The following DYNC2I1 variants were observed in gnomAD, a reference collection of about 807,000 sequenced individuals.
DYNC2I1 encodes the protein cytoplasmic dynein 2 intermediate chain 1.
In DYNC2I1, 89 loss-of-function variants were observed where a neutral mutation model predicts 133.4. The ratio of observed to expected loss-of-function variants is 0.67; its 90% CI spans 0.56 to 0.80. DYNC2I1 has a LOEUF of 0.80. DYNC2I1 is among the 30% of genes least tolerant of loss of function. The pLI is 0.00. For synonymous variants in DYNC2I1, 504 were observed against 484.3 expected (o/e 1.04, Z -0.54); for missense variants, 1,291 against 1,314.5 (o/e 0.98, Z 0.28).
At chr7:158,957,285 G>A (rs1449393908), downstream of DYNC2I1, among the ~76,000 whole-genome samples, 1 of 152,250 alleles carries the variant, frequency 6.6e-6, no homozygotes, top group Non-Finnish European at 1.5e-5. Context: ...CTGCGGCGCT[G>A]GCCTCAGGCT....
Position 158,934,531 on chromosome 7 carries a change from T to C in DYNC2I1, c.2760T>C (p.Phe920=), listed in dbSNP as rs1563199108. Residue 920 remains phenylalanine, a synonymous_variant, in exon 23 of 25, where the codon TTT becomes TTC. Transcript: ENST00000407559. ...TTAATGTCATTGATTTTTCACCATT[T>C]GGAGAACCAATATTTTTGGTAAGAA... is the stretch of plus-strand genomic sequence containing the variant. ...VKVNVIDFSP[F]GEPIFLAGCS... 6.4e-7 allele frequency: 1 copy of C among 1,554,334 alleles called. No homozygotes were observed. The highest frequency in any genetic ancestry group is 8.7e-7 in the Non-Finnish European group (1 of 1,148,316).
chr7:158,883,384 T>TA lies in DYNC2I1; in HGVS notation c.880-1180_880-1179insA, dbSNP rs200160902. Among the ~76,000 whole-genome samples the TA allele has an allele frequency of 6.7e-3, 985 of 145,960 alleles. 14 individuals are homozygous for TA. The highest frequency in any genetic ancestry group is 0.041 in the South Asian group (189 of 4,660). On this transcript the variant is annotated intron_variant, in intron 5 of 24. Transcript: ENST00000407559. ...AGGTGTGCATCTGGCTTATTATTAT[T>TA]TTTTTTTTTTTTGTATTTTTAGTAG...
chr7:158,899,793 C>A (rs972448987), intron 8 of DYNC2I1, among the ~76,000 whole-genome samples: 1 of 152,178 alleles, frequency 6.6e-6, no homozygotes, highest in Non-Finnish European at 1.5e-5. Context: ...GATTCTGAGG[C>A]CTCCCCAGCC....
At chr7:158,920,821 G>C (rs1848996373) in intron 15 of DYNC2I1, among the ~76,000 whole-genome samples, 1 of 152,216 alleles carries the variant, frequency 6.6e-6, no homozygotes, top group African/African-American at 2.4e-5. Context: ...ATTAGATTCT[G>C]ATCTGTGATC....
At chr7:158,880,845 C>T (rs979445865) in intron 5 of DYNC2I1, among the ~76,000 whole-genome samples, 2 of 152,086 alleles carry the variant, frequency 1.3e-5, no homozygotes, top group African/African-American at 4.8e-5. Context: ...GAATCCGAAG[C>T]TAATATGATC....
At chr7:158,915,996 C>G (rs867142558) in intron 14 of DYNC2I1, among the ~76,000 whole-genome samples, 18 of 108,560 alleles carry the variant, frequency 1.7e-4, no homozygotes, top group South Asian at 2.9e-4. Flanking sequence ...CGTCGACACG[C>G]TGGTTGACAT....
the DYNC2I1 span, among the ~76,000 whole-genome samples, chr7:158,845,697 A>G: frequency 4.8e-3 from 728 of 152,366 alleles, 3 homozygotes; most frequent in African/African-American, 0.017. Flanking sequence ...GATGGTTGAC[A>G]GGGAAATAAC....
chr7:158,871,622 A>G (rs943294145), intron 3 of DYNC2I1, 60 bp downstream of exon 3: 25 of 1,325,818 alleles, frequency 1.9e-5, no homozygotes, highest in Admixed American at 5.6e-5. Context: ...TGCTGGTGAC[A>G]GGTTGATAGC....
intron 23 of DYNC2I1, among the ~76,000 whole-genome samples, chr7:158,936,546 G>T (rs1172084789): frequency 2.6e-5 from 4 of 152,216 alleles, no homozygotes; most frequent in Non-Finnish European, 5.9e-5. Context: ...TGGGTGCCCT[G>T]TCCCTGCCTC....
intron 4 of DYNC2I1, among the ~76,000 whole-genome samples, chr7:158,879,051 CGTGA>C (rs1455343211): frequency 3.4e-5 from 4 of 119,270 alleles, no homozygotes; most frequent in African/African-American, 1.3e-4. Flanking sequence ...GAGGGCCGAC[CGTGA>C]GTGTCGGGCA....
chr7:158,898,137 G>C (rs548927335), intron 8 of DYNC2I1, among the ~76,000 whole-genome samples: 59 of 152,298 alleles, frequency 3.9e-4, no homozygotes, highest in African/African-American at 1.3e-3. Context: ...TATTTGTTAA[G>C]GTATGTTTTA....
chr7:158,889,123 C>G (rs1011773291), intron 7 of DYNC2I1, among the ~76,000 whole-genome samples: 2 of 150,342 alleles, frequency 1.3e-5, no homozygotes, highest in South Asian at 4.2e-4. Flanking sequence ...CTTTGTCACC[C>G]AGGCTGGAGC....
chr7:158,926,597 G>A (rs1467819573), intron 19 of DYNC2I1, 134 bp downstream of exon 19: 6 of 1,014,506 alleles, frequency 5.9e-6, no homozygotes, highest in Non-Finnish European at 8.8e-6. Flanking sequence ...GGGCTTCTTG[G>A]TCCTGAGCAG....
At chr7:158,889,316 A>G (rs947411937) in intron 7 of DYNC2I1, among the ~76,000 whole-genome samples, 1 of 151,062 alleles carries the variant, frequency 6.6e-6, no homozygotes, top group Non-Finnish European at 1.5e-5. Context: ...TCCTGACCTC[A>G]TGATCCACCT....
intron 4 of DYNC2I1, among the ~76,000 whole-genome samples, chr7:158,953,571 C>T (rs1331038748): frequency 2.0e-5 from 3 of 152,130 alleles, no homozygotes; most frequent in Non-Finnish European, 4.4e-5. Context: ...GGAAACATGG[C>T]AAGACCCTAT....
intron 21 of DYNC2I1, among the ~76,000 whole-genome samples, chr7:158,932,439 C>T (rs968655684): frequency 1.3e-5 from 2 of 152,266 alleles, no homozygotes; most frequent in South Asian, 4.1e-4. Flanking sequence ...GCAGGTGAGC[C>T]AGGCCCTAAC....
intron 11 of DYNC2I1, among the ~76,000 whole-genome samples, 179 bp from the exon 12 acceptor site, chr7:158,911,371 C>T (rs879178807): frequency 6.6e-6 from 1 of 152,152 alleles, no homozygotes; most frequent in Non-Finnish European, 1.5e-5. Context: ...CAGGTTCCCA[C>T]GACTGTCTAC....
intron 14 of DYNC2I1, among the ~76,000 whole-genome samples, chr7:158,917,494 T>C (rs1250269935): frequency 9.7e-5 from 7 of 71,834 alleles, no homozygotes; most frequent in Admixed American, 1.4e-4. Context: ...ACTAAACACC[T>C]CCTGTCCTCC....
chr7:158,859,149 C>T (rs764144247), intron 1 of DYNC2I1, among the ~76,000 whole-genome samples: 1 of 149,792 alleles, frequency 6.7e-6, no homozygotes, highest in Non-Finnish European at 1.5e-5. Flanking sequence ...GTGCGAGCTA[C>T]CATGCCTGGC....
Sources: gnomAD v4.1 joint callset for allele counts (sites outside exome capture counted in the v4.1 genomes callset) on GRCh38, gnomAD v4.1.1 for gene constraint, MANE v1.5 for transcripts, NCBI Gene and HGNC (gene_info 2026-07-23, HGNC 2026-07-21) for gene names.